The following ZNF716 variants were observed in gnomAD, a reference collection of about 807,000 sequenced individuals.
The protein encoded by ZNF716 is zinc finger protein 716.
A neutral mutation model predicts 13.4 loss-of-function variants in ZNF716; 9 were observed. The observed-to-expected ratio is 0.67, with a 90% CI of 0.41 to 1.18. The LOEUF is 1.18. Ranked by LOEUF, ZNF716 falls within the 50% of genes most tolerant of loss-of-function variation. The probability of loss-of-function intolerance (pLI) is 0.01; values close to 1 mark genes in which losing one functional copy is unlikely to be tolerated. For synonymous variants in ZNF716, 186 were observed against 195.2 expected, an observed-to-expected ratio of 0.95 and a Z score of 0.39; for missense variants, 581 against 576.6, an observed-to-expected ratio of 1.01 and a Z score of -0.08.
chr7:57,460,403 A>T (rs1789687362), intron 1 of ZNF716, among the ~76,000 whole-genome samples: 1 of 151,110 alleles, frequency 6.6e-6, no homozygotes, highest in African/African-American at 2.4e-5. Context: ...TCAAAAAAAA[A>T]AAAAAAAAAA....
chr7:57,468,762 C>A lies in ZNF716; in HGVS notation c.301C>A (p.Gln101Lys), dbSNP rs782562234. The change falls in exon 4 of 4, where the codon CAG becomes AAG. Residue 101 changes from glutamine to lysine, a missense_variant. Gln to Lys is a moderately conservative substitution (Grantham distance 53). Transcript: ENST00000420713. The part of the protein sequence containing the change: ...SHFTQDLQSE[Q>K]GIKDSLQKVI... ...TTTCACCCAAGACCTTCAGTCAGAGCAGGGCATAAAAGATTCACTCCAAAA... is the reference window on the plus strand; with the variant it reads ...TTTCACCCAAGACCTTCAGTCAGAGAAGGGCATAAAAGATTCACTCCAAAA... 19 of 1,612,724 alleles carry A rather than the reference C, an allele frequency of 1.2e-5. No homozygotes were observed. The African/African-American group carries it at 1.3e-4, about 11-fold the overall frequency.
At position 57,462,591 on chromosome 7, in the gene ZNF716, G is replaced by A. The variant is rs1789728610; in HGVS notation, c.166+5G>A. The A allele has an allele frequency of 3.1e-6, 5 of 1,600,040 alleles. No homozygotes were observed. The highest frequency in any genetic ancestry group is 4.3e-6 in the Non-Finnish European group (5 of 1,174,318). ...ACAGAAACCTGGTCTCCCTGGGTGA[G>A]GAAAACTTCAATACACAATTCCTAA... is the stretch of plus-strand genomic sequence containing the variant. On this transcript the variant is annotated splice_donor_5th_base_variant and intron_variant, in intron 2 of 3. Coordinates refer to ENST00000420713, the MANE Select transcript of ZNF716 (RefSeq NM_001159279.1).
chr7:57,463,636 A>ATT (rs35072495), intron 3 of ZNF716, among the ~76,000 whole-genome samples: 2 of 151,582 alleles, frequency 1.3e-5, no homozygotes, highest in African/African-American at 2.4e-5. Context: ...TGACATATAA[A>ATT]TTTTTTTTAC....
chr7:57,450,973 TG>T (rs1789479684), intron 1 of ZNF716, among the ~76,000 whole-genome samples: 1 of 152,116 alleles, frequency 6.6e-6, no homozygotes, highest in Admixed American at 6.5e-5. Flanking sequence ...TGGCAGTCTG[TG>T]GTTGACTAGG....
intron 1 of ZNF716, 112 bp downstream of exon 1, chr7:57,450,439 C>A: frequency 1.3e-6 from 2 of 1,572,632 alleles, no homozygotes; most frequent in Non-Finnish European, 8.7e-7. Context: ...AGTCTGAGGA[C>A]CCAAATCCTC....
intron 1 of ZNF716, among the ~76,000 whole-genome samples, chr7:57,458,554 C>T (rs1427539722): frequency 4.6e-5 from 7 of 152,146 alleles, no homozygotes; most frequent in African/African-American, 7.2e-5. Flanking sequence ...TCCCGAATAG[C>T]GGGGATTACA....
intron 3 of ZNF716, among the ~76,000 whole-genome samples, chr7:57,468,081 A>C (rs1222372210): frequency 6.6e-6 from 1 of 152,118 alleles, no homozygotes; most frequent in Non-Finnish European, 1.5e-5. Context: ...TCTTGGCTAG[A>C]GATTCTCGGA....
chr7:57,466,885 AT>A (rs1554324233), intron 3 of ZNF716, among the ~76,000 whole-genome samples: 1 of 151,980 alleles, frequency 6.6e-6, no homozygotes, highest in African/African-American at 2.4e-5. Context: ...ATAAATATAT[AT>A]TTTGAAGCCC....
At chr7:57,461,826 A>C (rs1583719512) in intron 1 of ZNF716, among the ~76,000 whole-genome samples, 3 of 152,258 alleles carry the variant, frequency 2.0e-5, no homozygotes, top group African/African-American at 7.2e-5. Flanking sequence ...TGAGAAATAT[A>C]AATAACTTAT....
rs782584082 is a variant in ZNF716, at chr7:57,469,431, TA to T, written c.971del (p.Tyr324SerfsTer21). 5.0e-6 allele frequency: 8 copies of T among 1,613,776 alleles called. No homozygotes were observed. Among genetic ancestry groups the T allele is most frequent in the Middle Eastern group, 1.6e-4 (1 of 6,084 alleles). On this transcript the variant is annotated frameshift_variant, in exon 4 of 4. Transcript: ENST00000420713. LOFTEE classifies it low-confidence loss of function (END_TRUNC). ...HKRIHTGERP[Y>X]KCEECGKAFS... ...GAGAATTCATACTGGAGAGAGACCC[TA>T]CAAATGTGAAGAATGTGGCAAAGCC...
At chr7:57,458,715 C>G (rs1269570865) in intron 1 of ZNF716, among the ~76,000 whole-genome samples, 1 of 152,174 alleles carries the variant, frequency 6.6e-6, no homozygotes, top group African/African-American at 2.4e-5. Context: ...GCCACTGTGC[C>G]CGGCCCATTG....
rs781887105 is a variant in ZNF716 at position 57,468,820 on chromosome 7, A to C, written c.359A>C (p.Gln120Pro). 1.2e-6 allele frequency: 2 copies of C among 1,613,838 alleles called. No individual in the cohort carries two copies. Among genetic ancestry groups the C allele is most frequent in the Non-Finnish European group, 8.5e-7 (1 of 1,179,878 alleles). Residue 120 changes from glutamine to proline, a missense_variant, in exon 4 of 4, where the codon CAG (glutamine) becomes CCG (proline). Gln to Pro is a moderately conservative substitution (Grantham distance 76). Transcript: ENST00000420713. ...VILRRYGKCG[Q>P]EDLQVKKCCK... is the part of the protein sequence containing the mutation. ...CTGAGAAGATATGGAAAATGTGGAC[A>C]GGAGGATTTACAAGTAAAAAAATGC...
rs1348793420 is a variant in ZNF716, at chr7:57,473,180, CAA to C, written c.*3235_*3236del. The C allele has an allele frequency of 6.6e-6, 1 of 152,074 alleles. No individual in the cohort carries two copies. The highest frequency in any genetic ancestry group is 1.5e-5 in the Non-Finnish European group (1 of 68,008). 9.4% of individuals were successfully genotyped at this position (152,074 alleles called of 1,614,324 possible). On this transcript the variant is annotated 3_prime_UTR_variant, in exon 4 of 4. Coordinates refer to ENST00000420713, the MANE Select transcript of ZNF716 (RefSeq NM_001159279.1). ...CACATGTGGCATCTCTGCTGACAAA[CAA>C]AAACAGACTTTTAGTTTCAATTTAC...
chr7:57,465,349 C>T (rs1554323881), intron 3 of ZNF716, among the ~76,000 whole-genome samples: 2 of 151,798 alleles, frequency 1.3e-5, no homozygotes, highest in African/African-American at 2.4e-5. Flanking sequence ...TGATTTTGCT[C>T]TTCTTACATT....
intron 3 of ZNF716, among the ~76,000 whole-genome samples, chr7:57,464,749 T>G (rs1305553570): frequency 6.6e-6 from 1 of 152,196 alleles, no homozygotes; most frequent in East Asian, 1.9e-4. Flanking sequence ...TTGAAAAAAT[T>G]TTTTATATGA....
chr7:57,466,269 G>T (rs536272311), intron 3 of ZNF716, among the ~76,000 whole-genome samples: 1 of 151,976 alleles, frequency 6.6e-6, no homozygotes, highest in Non-Finnish European at 1.5e-5. Context: ...GTGTCCAACC[G>T]CAATATTGAC....
chr7:57,451,438 T>A (rs1554321535), intron 1 of ZNF716, among the ~76,000 whole-genome samples: 2 of 140,022 alleles, frequency 1.4e-5, no homozygotes, highest in African/African-American at 5.4e-5. Context: ...GGTTTTCCCT[T>A]GGATTTTTTT....
chr7:57,464,779 T>G (rs1789776713), intron 3 of ZNF716, among the ~76,000 whole-genome samples: 1 of 152,146 alleles, frequency 6.6e-6, no homozygotes. Flanking sequence ...AACATCCAAC[T>G]TCATTGTTTC....
rs1554324578 is a variant in ZNF716, at chr7:57,468,923, C to T, written c.462C>T (p.Asn154=). Residue 154 remains asparagine, a synonymous_variant, in exon 4 of 4, where the codon AAC becomes AAT. Coordinates refer to ENST00000420713, the MANE Select transcript of ZNF716 (RefSeq NM_001159279.1). ...ACCAATGTTTGTCAGCTACCCAAAACAAAACATTTCAGACTCATAAATGCG... is the reference window on the plus strand; with the variant it reads ...ACCAATGTTTGTCAGCTACCCAAAATAAAACATTTCAGACTCATAAATGCG... ...YVNQCLSATQ[N]KTFQTHKCVK... The T allele has an allele frequency of 5.6e-6, 9 of 1,612,218 alleles. No individual in the cohort carries two copies. Among genetic ancestry groups the T allele is most frequent in the Admixed American group, 1.7e-5 (1 of 59,510 alleles).
Sources: gnomAD v4.1 joint callset for allele counts (sites outside exome capture counted in the v4.1 genomes callset) on GRCh38, gnomAD v4.1.1 for gene constraint, MANE v1.5 for transcripts, NCBI Gene and HGNC (gene_info 2026-07-23, HGNC 2026-07-21) for gene names.